The following ADGRF1 variants were observed in gnomAD, a reference collection of about 807,000 sequenced individuals.
ADGRF1 encodes G protein-coupled receptor 110.
ADGRF1 carries 85 observed loss-of-function variants against 87.2 expected under a neutral mutation model. The observed-to-expected ratio is 0.97, with a 90% CI of 0.82 to 1.17. The LOEUF (loss-of-function observed/expected upper bound fraction) is 1.17, where lower values mean the gene tolerates loss of function less well. Ranked by LOEUF, ADGRF1 falls within the 50% of genes most tolerant of loss-of-function variation. ADGRF1 has a pLI of 0.00. For missense variants in ADGRF1, 1,169 were observed against 1,077.2 expected, an observed-to-expected ratio of 1.09 and a Z score of -1.19; for synonymous variants, 430 against 408.8, an observed-to-expected ratio of 1.05 and a Z score of -0.63.
intron 13 of ADGRF1, among the ~76,000 whole-genome samples, chr6:47,003,333 A>C (rs1344795452): frequency 6.6e-6 from 1 of 152,198 alleles, no homozygotes; most frequent in Non-Finnish European, 1.5e-5. Flanking sequence ...TTACCACAAA[A>C]TATATTTCTT....
rs925124687 is a variant in ADGRF1 at position 47,008,935 on chromosome 6, C to T, written c.2490+10G>A. On this transcript the variant is annotated intron_variant, in intron 11 of 14. Transcript: ENST00000371253. ...TTGACAATACAATAGGTTATTGTTA[C>T]TGTTCTCACCTGGAATGCATTGAGT... 1 of 1,568,296 alleles carries T rather than the reference C, an allele frequency of 6.4e-7. No individual in the cohort carries two copies. The highest frequency in any genetic ancestry group is 1.8e-5 in the Admixed American group (1 of 55,570).
chr6:47,003,676 C>T (rs1362923151), intron 13 of ADGRF1, among the ~76,000 whole-genome samples: 1 of 152,198 alleles, frequency 6.6e-6, no homozygotes, highest in Non-Finnish European at 1.5e-5. Flanking sequence ...GCCCTCCTGT[C>T]CCTACTTCGA....
At chr6:47,019,351 G>T (rs1265965659) in intron 7 of ADGRF1, 2 of 984,978 alleles carry the variant, frequency 2.0e-6, no homozygotes, top group Non-Finnish European at 2.4e-6. Flanking sequence ...AAAGGATAAT[G>T]CCCAGAACAA....
At chr6:47,020,387 T>G in intron 7 of ADGRF1, 1 of 832,168 alleles carries the variant, frequency 1.2e-6, no homozygotes, top group Non-Finnish European at 1.8e-6. Context: ...TTCCAGCTAC[T>G]TGGGAGGCTG....
rs1171460667 is a variant in ADGRF1, at chr6:47,010,338, G to A, written c.1117-20C>T. The A allele has an allele frequency of 6.4e-7, 1 of 1,564,302 alleles. No individual in the cohort carries two copies. The highest frequency in any genetic ancestry group is 1.8e-5 in the Admixed American group (1 of 54,434). ...GACATCCTGAAACACAAGGATGAGA[G>A]TCAGTTTGTGTTTTTGAGTAAACAG... On this transcript the variant is annotated intron_variant, in intron 10 of 14. Transcript: ENST00000371253.
intron 1 of ADGRF1, among the ~76,000 whole-genome samples, chr6:47,033,339 G>T (rs1243985089): frequency 2.0e-5 from 3 of 152,228 alleles, no homozygotes; most frequent in Non-Finnish European, 4.4e-5. Context: ...GCTGGCTGTT[G>T]TCTCCCTATT....
intron 1 of ADGRF1, among the ~76,000 whole-genome samples, chr6:47,040,178 C>G (rs368750602): frequency 6.6e-6 from 1 of 150,684 alleles, no homozygotes; most frequent in African/African-American, 2.4e-5. Context: ...AAAAGAGAAC[C>G]AGGTGGCTGA....
chr6:47,042,167 T>C (rs1479127817), intron 1 of ADGRF1, 24 bp downstream of exon 1: 1 of 152,168 alleles, frequency 6.6e-6, no homozygotes, highest in Non-Finnish European at 1.5e-5. Flanking sequence ...TTCTTAGTAA[T>C]CAAAGTACAG....
intron 10 of ADGRF1, 96 bp from the exon 11 acceptor site, chr6:47,010,414 C>A (rs568297067): frequency 4.8e-6 from 5 of 1,035,858 alleles, no homozygotes; most frequent in Non-Finnish European, 1.4e-6. Context: ...AGGAAAAATG[C>A]CCAGAGAATT....
In ADGRF1 at chr6:47,027,691, A is replaced by G; in HGVS notation, c.127+13T>C. 6.3e-7 allele frequency: 1 copy of G among 1,594,740 alleles called. No individual in the cohort carries two copies. Among genetic ancestry groups the G allele is most frequent in the Non-Finnish European group, 8.6e-7 (1 of 1,162,908 alleles). The stretch of plus-strand genomic sequence containing the variant: ...CAAAATCCACTGCACCATGCTGTCT[A>G]ACAGAGCCTCACCTAGATGTTTTTT... On this transcript the variant is annotated intron_variant, in intron 3 of 14. Transcript: ENST00000371253.
Position 47,009,549 on chromosome 6 carries a change from T to C in ADGRF1, c.1886A>G (p.Asn629Ser), listed in dbSNP as rs747979631. The C allele has an allele frequency of 3.7e-6, 6 of 1,614,014 alleles. No homozygotes were observed. The highest frequency in any genetic ancestry group is 2.2e-5 in the East Asian group (1 of 44,882). ...AGCAATCAAGAGGGACAGGGCTATG[T>C]TCACCATGCAAATACGACGTGTGTG... ...TSHTRRICMV[N>S]IALSLLIADV... Residue 629 changes from asparagine (N) to serine (S), a missense_variant, in exon 11 of 15, where the codon AAC (asparagine) becomes AGC (serine). Physicochemically the swap from Asn to Ser is conservative, Grantham distance 46 (BLOSUM62 1). Transcript: ENST00000371253.
At chr6:47,012,709 G>T in intron 9 of ADGRF1, 3 of 985,580 alleles carry the variant, frequency 3.0e-6, no homozygotes, top group Non-Finnish European at 3.6e-6. Context: ...GGAAGAGAGA[G>T]AAACATACAT....
chr6:47,007,431 T>G (rs1483117882), intron 11 of ADGRF1, 137 bp from the exon 12 acceptor site: 5 of 542,576 alleles, frequency 9.2e-6, no homozygotes, highest in Non-Finnish European at 1.3e-5. Context: ...TGTAGTCTCC[T>G]TGAAAGCAAG....
chr6:47,016,319 A>T (rs1214631971), intron 8 of ADGRF1, among the ~76,000 whole-genome samples: 1 of 152,196 alleles, frequency 6.6e-6, no homozygotes, highest in East Asian at 1.9e-4. Context: ...CTCTTTCAAC[A>T]TGTGTGCCAG....
intron 7 of ADGRF1, chr6:47,017,537 G>A (rs1298758693): frequency 2.6e-5 from 4 of 152,018 alleles, no homozygotes; most frequent in Non-Finnish European, 5.9e-5. Context: ...GTGAAAGAAA[G>A]AAATCAGTCA....
chr6:47,005,718 G>C lies in ADGRF1; in HGVS notation c.2592+99C>G, dbSNP rs1167347907. 3 of 716,364 alleles carry C rather than the reference G, an allele frequency of 4.2e-6. No individual in the cohort carries two copies. The East Asian group carries it at 7.9e-5, about 19-fold the overall frequency. The allele number at this position is 716,364 out of a possible 1,614,324, so 44.4% of individuals were successfully genotyped here. A position where few individuals can be genotyped will look rare whatever the true frequency, so the allele number is the denominator to read the frequency against. The stretch of plus-strand genomic sequence containing the variant: ...AATATAATGGTGAAAGAAATTCAAG[G>C]GGTTTACACAGAAGTTGGCTTGCAG... On this transcript the variant is annotated intron_variant, in intron 13 of 14. Transcript: ENST00000371253.
chr6:47,029,190 C>T (rs1436035444), intron 1 of ADGRF1, 86 bp from the exon 2 acceptor site: 5 of 713,872 alleles, frequency 7.0e-6, no homozygotes, highest in South Asian at 3.3e-5. Context: ...GTGGTAAGGC[C>T]TCACTGAGCT....
chr6:47,016,545 C>T (rs991723752), intron 8 of ADGRF1, 72 bp downstream of exon 8: 10 of 1,379,440 alleles, frequency 7.2e-6, no homozygotes, highest in Non-Finnish European at 9.5e-6. Flanking sequence ...AAATCTACTT[C>T]CTGAGGACAC....
intron 11 of ADGRF1, among the ~76,000 whole-genome samples, chr6:47,007,936 T>G (rs530017572): frequency 3.3e-5 from 5 of 152,354 alleles, no homozygotes; most frequent in Middle Eastern, 6.8e-3. Context: ...GACTGTTCAC[T>G]GGTTGCTGAA....
Sources: allele counts gnomAD v4.1 joint callset (sites outside exome capture counted in the v4.1 genomes callset), GRCh38; gene constraint gnomAD v4.1.1; transcripts MANE v1.5; gene names NCBI Gene and HGNC (gene_info 2026-07-23, HGNC 2026-07-21).